TTLL5: variants seen among roughly 807,000 people sequenced by gnomAD.
TTLL5 encodes the protein tubulin polyglutamylase TTLL5.
TTLL5 carries 132 observed loss-of-function variants against 168.4 expected under a neutral mutation model. The observed-to-expected ratio is 0.78, with a 90% CI of 0.68 to 0.91. The LOEUF (loss-of-function observed/expected upper bound fraction) is 0.91. Ranked by LOEUF, TTLL5 falls within the 40% of genes least tolerant of loss-of-function variation. TTLL5 has a pLI of 0.00. For synonymous variants in TTLL5, 546 were observed against 558.6 expected (o/e 0.98, Z 0.32); for missense variants, 1,545 against 1,581.5 (o/e 0.98, Z 0.39).
At chr14:75,813,522 C>T (rs1445136631) in intron 27 of TTLL5, among the ~76,000 whole-genome samples, 1 of 152,002 alleles carries the variant, frequency 6.6e-6, no homozygotes, top group Non-Finnish European at 1.5e-5. Flanking sequence ...AGACTGGTCT[C>T]GAACTCCTGG....
chr14:75,769,402 T>C (rs1432730440), intron 20 of TTLL5, among the ~76,000 whole-genome samples: 2 of 151,978 alleles, frequency 1.3e-5, no homozygotes, highest in Non-Finnish European at 2.9e-5. Context: ...GTTTCTTTGG[T>C]TTTTATTCTT....
intron 2 of TTLL5, 81 bp downstream of exon 2, chr14:75,663,304 C>A: frequency 7.6e-7 from 1 of 1,315,996 alleles, no homozygotes. Context: ...TTACTATATA[C>A]TCTTCTCTTT....
At chr14:75,699,039 G>A (rs570091506) in intron 6 of TTLL5, 149 bp from the exon 7 acceptor site, 3 of 660,124 alleles carry the variant, frequency 4.5e-6, no homozygotes, top group Admixed American at 5.5e-5. Flanking sequence ...AAAAATACAG[G>A]TAATTTTAGT....
At chr14:75,664,906 T>C (rs1883138661) in intron 2 of TTLL5, among the ~76,000 whole-genome samples, 1 of 152,246 alleles carries the variant, frequency 6.6e-6, no homozygotes, top group Non-Finnish European at 1.5e-5. Flanking sequence ...AAATGTTAGA[T>C]TGAACTATAT....
At chr14:75,683,897 C>CCCA (rs1337577922) in intron 5 of TTLL5, 1 of 355,208 alleles carries the variant, frequency 2.8e-6, no homozygotes, top group Admixed American at 4.0e-5. Context: ...CCTCAGCCTA[C>CCCA]CCAGTAGCTG....
intron 27 of TTLL5, among the ~76,000 whole-genome samples, chr14:75,816,998 TGAGACAAGAG>T (rs1894461910): frequency 6.7e-6 from 1 of 148,580 alleles, no homozygotes; most frequent in African/African-American, 2.5e-5. Flanking sequence ...TTTTTTTTTT[TGAGACAAGAG>T]TCTCGCTCTG....
At chr14:75,888,372 T>TG (rs2032222569) in intron 30 of TTLL5, among the ~76,000 whole-genome samples, 1 of 152,218 alleles carries the variant, frequency 6.6e-6, no homozygotes, top group South Asian at 2.1e-4. Context: ...GCCTGCCTCC[T>TG]GGGATGTTAA....
At chr14:75,690,552 A>G (rs149082643) in intron 6 of TTLL5, among the ~76,000 whole-genome samples, 1 of 152,188 alleles carries the variant, frequency 6.6e-6, no homozygotes, top group East Asian at 1.9e-4. Context: ...TCATATAAGC[A>G]TGCCCCTGTC....
chr14:75,949,457 A>G (rs1331388544), intron 31 of TTLL5, among the ~76,000 whole-genome samples: 1 of 146,674 alleles, frequency 6.8e-6, no homozygotes, highest in African/African-American at 2.5e-5. Flanking sequence ...TCTATATCCT[A>G]TATATATATA....
In TTLL5 at chr14:75,925,896, G is replaced by C. The variant is rs542147983; in HGVS notation, c.3823+23672G>C. ...AAACCCGTCTCCACCAAAAAAGTAC[G>C]AAAACCAGTCAGGCGTGGCGGCGCG... is the stretch of plus-strand genomic sequence containing the variant. On this transcript the variant is annotated intron_variant, in intron 31 of 31. Coordinates refer to ENST00000298832, the MANE Select transcript of TTLL5 (RefSeq NM_015072.5). Among the ~76,000 whole-genome samples, 97 of 152,108 alleles carry C rather than the reference G, an allele frequency of 6.4e-4. No homozygotes were observed. The South Asian group carries it at 9.7e-3, about 15-fold the overall frequency.
rs1268889738 is a variant in TTLL5, at chr14:75,908,552, G to A, written c.3823+6328G>A. On this transcript the variant is annotated intron_variant, in intron 31 of 31. Coordinates refer to ENST00000298832, the MANE Select transcript of TTLL5 (RefSeq NM_015072.5). ...AGGTTAGAGAATTTGAGTTGTGTTT[G>A]CATTACATGTTTTATAAAACTGAGA... 1.3e-5 allele frequency among the ~76,000 whole-genome samples: 2 copies of A among 152,212 alleles called. 1 individual carries two copies. Among genetic ancestry groups the A allele is most frequent in the East Asian group, 3.8e-4 (2 of 5,200 alleles).
At chr14:75,884,976 C>T (rs566093309) in intron 30 of TTLL5, among the ~76,000 whole-genome samples, 2 of 150,498 alleles carry the variant, frequency 1.3e-5, no homozygotes, top group African/African-American at 4.9e-5. Flanking sequence ...CGAGACCATC[C>T]TGGCCAACAT....
intron 31 of TTLL5, among the ~76,000 whole-genome samples, chr14:75,935,809 G>A (rs2034417385): frequency 6.6e-6 from 1 of 152,236 alleles, no homozygotes; most frequent in African/African-American, 2.4e-5. Flanking sequence ...ATGCAAACCA[G>A]TAATAGGCAG....
chr14:75,759,939 A>G (rs1465362614), intron 18 of TTLL5, among the ~76,000 whole-genome samples: 1 of 152,138 alleles, frequency 6.6e-6, no homozygotes, highest in African/African-American at 2.4e-5. Context: ...GGCTTTTTCC[A>G]TATGATTTGT....
Position 75,735,219 on chromosome 14 carries a change from A to G in TTLL5, c.1211A>G (p.Gln404Arg). The G allele has an allele frequency of 6.2e-7, 1 of 1,614,200 alleles. No individual in the cohort carries two copies. Among genetic ancestry groups the G allele is most frequent in the Non-Finnish European group, 8.5e-7 (1 of 1,179,992 alleles). The change falls in exon 15 of 32, where the codon CAG becomes CGG. Residue 404 changes from glutamine to arginine, a missense_variant. By Grantham distance (43) the Gln-to-Arg change is conservative. Coordinates refer to ENST00000298832, the MANE Select transcript of TTLL5 (RefSeq NM_015072.5). ...VVGFVCQDPA[Q>R]RASTRPIYPT... is the part of the protein sequence containing the mutation. ...GGATTTGTGTGCCAAGATCCTGCCC[A>G]GCGGGCATCAACTCGGCCAATTTAT...
At chr14:75,778,348 A>G (rs897963347) in intron 23 of TTLL5, among the ~76,000 whole-genome samples, 1 of 152,228 alleles carries the variant, frequency 6.6e-6, no homozygotes, top group Non-Finnish European at 1.5e-5. Context: ...GGAGTCAGAC[A>G]GGAAAACATA....
intron 22 of TTLL5, among the ~76,000 whole-genome samples, 172 bp downstream of exon 22, chr14:75,775,802 G>T (rs75258294): frequency 0.011 from 1,720 of 152,208 alleles, 22 homozygotes; most frequent in South Asian, 0.037. Context: ...TAACTCAGCT[G>T]GTCTGAAAAA....
intron 29 of TTLL5, among the ~76,000 whole-genome samples, chr14:75,866,273 A>G (rs905734787): frequency 7.2e-5 from 11 of 152,162 alleles, no homozygotes; most frequent in Admixed American, 3.3e-4. Context: ...TGTTGATTGA[A>G]GCATGGTTTA....
At chr14:75,713,651 A>G (rs1358133233) in intron 9 of TTLL5, among the ~76,000 whole-genome samples, 1 of 152,238 alleles carries the variant, frequency 6.6e-6, no homozygotes, top group Admixed American at 6.5e-5. Context: ...AAGGTCACTA[A>G]CATAAATGCT....
Sources: gnomAD v4.1 joint callset for allele counts (sites outside exome capture counted in the v4.1 genomes callset) on GRCh38, gnomAD v4.1.1 for gene constraint, MANE v1.5 for transcripts, NCBI Gene and HGNC (gene_info 2026-07-23, HGNC 2026-07-21) for gene names.